Variants in CFAP61 observed in about 807,000 individuals in gnomAD.
CFAP61 encodes the protein cilia- and flagella-associated protein 61.
CFAP61 carries 107 observed loss-of-function variants against 135.6 expected under a neutral mutation model. That is an observed-to-expected ratio of 0.79 (90% CI 0.67 to 0.93). CFAP61 has a LOEUF of 0.93. Among genes scored for constraint, CFAP61 ranks in the 40% least tolerant of loss-of-function variants. CFAP61 has a pLI of 0.00. For missense variants in CFAP61, 1,507 were observed against 1,556.2 expected (o/e 0.97, Z 0.53); for synonymous variants, 575 against 578.5 (o/e 0.99, Z 0.09).
At chr20:20,297,911 A>T (rs1373041050) in intron 24 of CFAP61, among the ~76,000 whole-genome samples, 2 of 152,224 alleles carry the variant, frequency 1.3e-5, no homozygotes, top group Non-Finnish European at 2.9e-5. Flanking sequence ...AGTATTAATA[A>T]AGGGTTGGTT....
At chr20:20,358,882 G>A (rs2059371957) in intron 26 of CFAP61, among the ~76,000 whole-genome samples, 1 of 152,228 alleles carries the variant, frequency 6.6e-6, no homozygotes, top group Non-Finnish European at 1.5e-5. Flanking sequence ...ATTATTGGAA[G>A]TTGAAATAAA....
chr20:20,084,285 C>T (rs2146598768), intron 6 of CFAP61, among the ~76,000 whole-genome samples: 1 of 152,316 alleles, frequency 6.6e-6, no homozygotes, highest in South Asian at 2.1e-4. Context: ...TTCAGTTGTA[C>T]ATTTTACAAC....
At chr20:20,148,586 AT>A (rs1279335191) in intron 9 of CFAP61, among the ~76,000 whole-genome samples, 1 of 151,914 alleles carries the variant, frequency 6.6e-6, no homozygotes, top group Non-Finnish European at 1.5e-5. Flanking sequence ...CAGCTTGGTC[AT>A]TGTTGGTATA....
rs991436174 is a variant in CFAP61 at position 20,207,173 on chromosome 20, G to A, written c.1932+7271G>A. ...TGTGGTCCTGTGTGGACATCTAAGA[G>A]AGCTCAGGTAGCAAACAAGATGCCC... On this transcript the variant is annotated intron_variant, in intron 17 of 26. Coordinates refer to ENST00000245957, the MANE Select transcript of CFAP61 (RefSeq NM_015585.4). 2.0e-5 allele frequency among the ~76,000 whole-genome samples: 3 copies of A among 152,210 alleles called. No homozygotes were observed. The East Asian group carries it at 5.8e-4, about 29-fold the overall frequency.
chr20:20,355,028 ATCACACT>A (rs2059019062), intron 26 of CFAP61, among the ~76,000 whole-genome samples: 7 of 41,940 alleles, frequency 1.7e-4, no homozygotes, highest in African/African-American at 4.3e-4. Context: ...AGGGGAGGTG[ATCACACT>A]GAGGGGAGGT....
intron 26 of CFAP61, among the ~76,000 whole-genome samples, chr20:20,352,678 A>C (rs931722818): frequency 6.6e-6 from 1 of 152,224 alleles, no homozygotes; most frequent in Non-Finnish European, 1.5e-5. Context: ...CCCATACACA[A>C]AAATCAATTC....
At chr20:20,222,452 G>A (rs139054482) in intron 17 of CFAP61, among the ~76,000 whole-genome samples, 4 of 152,194 alleles carry the variant, frequency 2.6e-5, no homozygotes, top group Non-Finnish European at 2.9e-5. Flanking sequence ...TAGAATCACC[G>A]TTACCCTCAG....
intron 9 of CFAP61, among the ~76,000 whole-genome samples, chr20:20,150,563 A>G (rs749532419): frequency 1.3e-3 from 199 of 152,346 alleles, no homozygotes; most frequent in Non-Finnish European, 1.8e-3. Flanking sequence ...GAGTCTGTCC[A>G]CATGACAGCT....
intron 25 of CFAP61, among the ~76,000 whole-genome samples, chr20:20,339,748 G>T (rs945672190): frequency 6.6e-6 from 1 of 152,148 alleles, no homozygotes; most frequent in Admixed American, 6.5e-5. Context: ...CTCCCAAAGT[G>T]CTGGGATTGT....
chr20:20,106,033 T>C (rs189989242), intron 8 of CFAP61, among the ~76,000 whole-genome samples: 32,963 of 101,740 alleles, frequency 0.32, 6,101 homozygotes, highest in Middle Eastern at 0.48. Context: ...TATATATATA[T>C]ATATATATAT....
intron 20 of CFAP61, chr20:20,258,306 T>C (rs2424300): frequency 0.67 from 101,979 of 152,010 alleles, 34,580 homozygotes; most frequent in East Asian, 0.97. Context: ...TTAATCTTGA[T>C]CAAGGGTAAA....
chr20:20,324,642 A>C (rs1246425338), intron 25 of CFAP61, among the ~76,000 whole-genome samples: 1 of 152,194 alleles, frequency 6.6e-6, no homozygotes, highest in East Asian at 1.9e-4. Flanking sequence ...ATTTTGATCA[A>C]GATATTATTT....
chr20:20,188,068 T>C lies in CFAP61; in HGVS notation c.1512+12T>C. The C allele has an allele frequency of 1.2e-6, 2 of 1,614,036 alleles. No homozygotes were observed. Among genetic ancestry groups the C allele is most frequent in the Non-Finnish European group, 1.7e-6 (2 of 1,179,932 alleles). ...CTCGCAAAGACCCTGTAAGTACCTGTTGTGACCAGACCTCAGGATATGGGA... is the reference window on the plus strand; with the variant it reads ...CTCGCAAAGACCCTGTAAGTACCTGCTGTGACCAGACCTCAGGATATGGGA... On this transcript the variant is annotated intron_variant, in intron 14 of 26. Coordinates refer to ENST00000245957, the MANE Select transcript of CFAP61 (RefSeq NM_015585.4).
intron 8 of CFAP61, among the ~76,000 whole-genome samples, chr20:20,138,909 T>TC (rs1437668645): frequency 6.6e-6 from 1 of 152,246 alleles, no homozygotes; most frequent in Non-Finnish European, 1.5e-5. Context: ...TCTGTTCTAT[T>TC]CTTGCCCCAG....
In CFAP61 at chr20:20,308,179, G is replaced by A. The variant is rs565477282; in HGVS notation, c.3422+9793G>A. On this transcript the variant is annotated intron_variant, in intron 25 of 26. Coordinates refer to ENST00000245957, the MANE Select transcript of CFAP61 (RefSeq NM_015585.4). ...GTTGTGGAAAGCTGTGTTGGACAGTGCTGCTGTAGGCCAGTTGCATCCATG... is the reference window on the plus strand; with the variant it reads ...GTTGTGGAAAGCTGTGTTGGACAGTACTGCTGTAGGCCAGTTGCATCCATG... 5.9e-5 allele frequency among the ~76,000 whole-genome samples: 9 copies of A among 152,306 alleles called. No homozygotes were observed. The East Asian group carries it at 1.7e-3, about 29-fold the overall frequency.
rs768872433 is a variant in CFAP61 at position 20,296,297 on chromosome 20, C to CCCTT, written c.3217-1869_3217-1866dup. On this transcript the variant is annotated intron_variant, in intron 24 of 26. Transcript: ENST00000245957. ...CCCTTCCCTCATCCCTTCCCTCCTT[C>CCCTT]CCTTCCTTCCTTCCTTCCCTCCTTC... Among the ~76,000 whole-genome samples the CCCTT allele has an allele frequency of 1.8e-3, 148 of 81,310 alleles. 4 individuals are homozygous for CCCTT. The highest frequency in any genetic ancestry group is 4.5e-3 in the African/African-American group (81 of 17,936). 53.3% of individuals were successfully genotyped at this position (81,310 alleles called of 152,430 possible).
chr20:20,310,881 G>A (rs747799794), intron 25 of CFAP61, among the ~76,000 whole-genome samples: 1 of 152,168 alleles, frequency 6.6e-6, no homozygotes, highest in African/African-American at 2.4e-5. Context: ...ACCTCCTCAG[G>A]GTGTTCCATG....
chr20:20,107,718 T>C lies in CFAP61; in HGVS notation c.859+8904T>C, dbSNP rs555046591. On this transcript the variant is annotated intron_variant, in intron 8 of 26. Coordinates refer to ENST00000245957, the MANE Select transcript of CFAP61 (RefSeq NM_015585.4). ...TATGGCTCACTGCAGCCTTGAACTCTTTCTGGGCTCAAGTGATCCTCCTAC... is the reference window on the plus strand; with the variant it reads ...TATGGCTCACTGCAGCCTTGAACTCCTTCTGGGCTCAAGTGATCCTCCTAC... 2.6e-5 allele frequency: 4 copies of C among 152,280 alleles called. No individual in the cohort carries two copies. In the South Asian group the frequency reaches 8.3e-4, roughly 32 times the overall value. 9.4% of individuals were successfully genotyped at this position (152,280 alleles called of 1,614,324 possible). A position where few individuals can be genotyped will look rare whatever the true frequency, so the allele number is the denominator to read the frequency against.
chr20:20,142,981 G>A, intron 9 of CFAP61, 33 bp downstream of exon 9: 1 of 1,360,168 alleles, frequency 7.4e-7, no homozygotes, highest in South Asian at 1.3e-5. Context: ...GCCTAGGGTG[G>A]GGGGATGGGC....
Sources: gnomAD v4.1 joint callset for allele counts (sites outside exome capture counted in the v4.1 genomes callset) on GRCh38, gnomAD v4.1.1 for gene constraint, MANE v1.5 for transcripts, NCBI Gene and HGNC (gene_info 2026-07-23, HGNC 2026-07-21) for gene names.